COL24A1: variants seen among roughly 807,000 people sequenced by gnomAD.
The protein encoded by COL24A1 is collagen alpha-1(XXIV) chain.
A neutral mutation model predicts 253.9 loss-of-function variants in COL24A1; 224 were observed. The observed-to-expected ratio is 0.88, with a 90% CI of 0.79 to 0.99. The LOEUF (loss-of-function observed/expected upper bound fraction) is 0.99. Among genes scored for constraint, COL24A1 ranks in the 50% least tolerant of loss-of-function variants. The pLI, the probability that COL24A1 is intolerant of heterozygous loss-of-function variation, is 0.00. For synonymous variants in COL24A1, 685 were observed against 673.7 expected (o/e 1.02, Z -0.26); for missense variants, 2,131 against 2,068.5 (o/e 1.03, Z -0.59).
intron 1 of COL24A1, 80 bp downstream of exon 1, chr1:86,156,261 T>C: frequency 1.5e-6 from 2 of 1,365,974 alleles, no homozygotes; most frequent in African/African-American, 1.5e-5. Context: ...ACTTCAGATC[T>C]CCATCAGGCT....
At chr1:85,788,780 G>A (rs1368090851) in intron 47 of COL24A1, among the ~76,000 whole-genome samples, 1 of 152,106 alleles carries the variant, frequency 6.6e-6, no homozygotes, top group African/African-American at 2.4e-5. Context: ...TCTGCATATG[G>A]CTAGCCAGTT....
intron 5 of COL24A1, among the ~76,000 whole-genome samples, chr1:86,105,826 G>A (rs2102084271): frequency 6.6e-6 from 1 of 152,284 alleles, no homozygotes; most frequent in Non-Finnish European, 1.5e-5. Context: ...GTTGCTCCTT[G>A]CCAGTTCAAC....
At chr1:85,834,736 T>A (rs149655040) in intron 43 of COL24A1, among the ~76,000 whole-genome samples, 3 of 152,314 alleles carry the variant, frequency 2.0e-5, no homozygotes, top group African/African-American at 7.2e-5. Flanking sequence ...TACCTTTAAA[T>A]AAAGTGTTTC....
intron 24 of COL24A1, among the ~76,000 whole-genome samples, chr1:85,923,498 A>T (rs1686788420): frequency 6.6e-6 from 1 of 152,230 alleles, no homozygotes; most frequent in African/African-American, 2.4e-5. Flanking sequence ...ATCAAATTAG[A>T]ACTCAGGATT....
At chr1:85,842,486 T>C (rs941626406) in intron 39 of COL24A1, 93 bp from the exon 40 acceptor site, 8 of 881,340 alleles carry the variant, frequency 9.1e-6, no homozygotes, top group African/African-American at 3.5e-5. Context: ...TTGTTACCTT[T>C]AGATTTTTCA....
chr1:85,811,085 T>C (rs1334005485), intron 47 of COL24A1, among the ~76,000 whole-genome samples: 1 of 152,216 alleles, frequency 6.6e-6, no homozygotes, highest in Non-Finnish European at 1.5e-5. Flanking sequence ...ACATTTAGCA[T>C]AATGTCCTTC....
intron 5 of COL24A1, among the ~76,000 whole-genome samples, chr1:86,097,788 A>G (rs931728853): frequency 6.6e-6 from 1 of 151,782 alleles, no homozygotes; most frequent in Non-Finnish European, 1.5e-5. Flanking sequence ...CATGAACTCT[A>G]TATCTTTAAA....
At chr1:86,103,485 A>T (rs1571926594) in intron 5 of COL24A1, among the ~76,000 whole-genome samples, 1 of 152,292 alleles carries the variant, frequency 6.6e-6, no homozygotes, top group East Asian at 1.9e-4. Flanking sequence ...TGGTCTGTGT[A>T]CATAAGTGTG....
chr1:85,958,805 A>T (rs1176305940), intron 24 of COL24A1, among the ~76,000 whole-genome samples: 1 of 152,154 alleles, frequency 6.6e-6, no homozygotes, highest in Non-Finnish European at 1.5e-5. Flanking sequence ...ACTTCTAAAC[A>T]TCTGAATGCT....
chr1:86,144,297 A>C (rs2102406766), intron 2 of COL24A1, among the ~76,000 whole-genome samples: 1 of 152,242 alleles, frequency 6.6e-6, no homozygotes, highest in East Asian at 1.9e-4. Context: ...TAGATTTTTA[A>C]AAAATAAGTT....
rs1237211537 is a variant in COL24A1, at chr1:85,744,698, T to A, written c.4640A>T (p.Asp1547Val). 13 of 1,609,190 alleles carry A rather than the reference T, an allele frequency of 8.1e-6. No individual in the cohort carries two copies. The highest frequency in any genetic ancestry group is 1.0e-5 in the Non-Finnish European group (12 of 1,178,378). Reference protein sequence around the residue: ...TRDNPARICKDLLNCEQKVSD... With the variant: ...TRDNPARICKVLLNCEQKVSD... ...TACTTTTTGTTCACAGTTAAGTAAA[T>A]CTTTGCAGATTCGTGCTGGGTTATC... The change falls in exon 57 of 60, where the codon GAT becomes GTT. Residue 1547 changes from aspartate (D) to valine (V), a missense_variant. Asp to Val is a radical substitution (Grantham distance 152, BLOSUM62 -3). Coordinates refer to ENST00000370571, the MANE Select transcript of COL24A1 (RefSeq NM_152890.7).
chr1:86,057,965 C>T lies in COL24A1; in HGVS notation c.1817G>A (p.Gly606Glu), dbSNP rs1314252161. ...TTTAGGACCTGGATTACCTTCTGGTCCAGCTAAACCCTGGTGTAAACAAAA... is the reference window on the plus strand; with the variant it reads ...TTTAGGACCTGGATTACCTTCTGGTTCAGCTAAACCCTGGTGTAAACAAAA... ...PGYPGRQGLA[G>E]PEGNPGPKGA... is the part of the protein sequence containing the mutation. The change falls in exon 10 of 60, where the codon GGA (glycine) becomes GAA (glutamate). Residue 606 changes from glycine (G) to glutamate (E), a missense_variant. Coordinates refer to ENST00000370571, the MANE Select transcript of COL24A1 (RefSeq NM_152890.7). The T allele has an allele frequency of 1.2e-6, 2 of 1,612,878 alleles. No individual in the cohort carries two copies. Among genetic ancestry groups the T allele is most frequent in the Non-Finnish European group, 1.7e-6 (2 of 1,179,308 alleles).
At chr1:85,848,940 A>C (rs1357048600) in intron 38 of COL24A1, among the ~76,000 whole-genome samples, 1 of 152,214 alleles carries the variant, frequency 6.6e-6, no homozygotes, top group African/African-American at 2.4e-5. Context: ...TATATGGAAA[A>C]AATAAAACCA....
rs1290925639 is a variant in COL24A1 at position 85,793,501 on chromosome 1, AGAGAGC to A, written c.3952-7046_3952-7041del. Among the ~76,000 whole-genome samples the A allele has an allele frequency of 3.9e-5, 6 of 152,236 alleles. No homozygotes were observed. The East Asian group carries it at 1.2e-3, about 29-fold the overall frequency. ...GGAGGGAAGGAAAGAGAGGGGAGAGAGAGAGCGAGAGCGAGAGATCCATGCTGTGGA... is the reference window on the plus strand; with the variant it reads ...GGAGGGAAGGAAAGAGAGGGGAGAGAGAGAGCGAGAGATCCATGCTGTGGA... On this transcript the variant is annotated intron_variant, in intron 47 of 59. Transcript: ENST00000370571.
chr1:85,934,793 A>G (rs1009695806), intron 24 of COL24A1, among the ~76,000 whole-genome samples: 19 of 152,244 alleles, frequency 1.2e-4, no homozygotes, highest in African/African-American at 4.6e-4. Flanking sequence ...AGTAATTTCA[A>G]CAGAGACCAT....
chr1:86,126,022 G>A lies in COL24A1; in HGVS notation c.314C>T (p.Pro105Leu), dbSNP rs372813075. Residue 105 changes from proline (P) to leucine (L), a missense_variant, in exon 3 of 60, where the codon CCG becomes CTG. By Grantham distance (98) the Pro-to-Leu change is moderately conservative. Coordinates refer to ENST00000370571, the MANE Select transcript of COL24A1 (RefSeq NM_152890.7). The stretch of plus-strand genomic sequence containing the variant: ...CTGTAACCCAGTTAATATTGTAAAC[G>A]GCTGCCCCAAGTTGACTGGTAAAAT... ...VKILPVNLGQPFTILTGLQSH... is the reference protein window; with the variant it reads ...VKILPVNLGQLFTILTGLQSH... 2.7e-5 allele frequency: 43 copies of A among 1,613,498 alleles called. No homozygotes were observed. The highest frequency in any genetic ancestry group is 2.0e-4 in the Admixed American group (12 of 59,846).
chr1:85,865,690 T>C (rs997910700), intron 37 of COL24A1, among the ~76,000 whole-genome samples: 6 of 152,212 alleles, frequency 3.9e-5, no homozygotes, highest in African/African-American at 1.4e-4. Flanking sequence ...AGGATTCTGC[T>C]AGAGAACTAT....
At position 85,784,121 on chromosome 1, in the gene COL24A1, C is replaced by T; in HGVS notation, c.4213G>A (p.Gly1405Ser). 6.2e-7 allele frequency: 1 copy of T among 1,612,718 alleles called. No individual in the cohort carries two copies. Among genetic ancestry groups the T allele is most frequent in the Non-Finnish European group, 8.5e-7 (1 of 1,179,008 alleles). ...QGLTGFQGFP[G>S]PKGPEGDAGI... ...AAAGTATGTAAACATACTTTAGGGC[C>T]TGGGAATCCTTGGAAACCTGTCAAA... The change falls in exon 50 of 60, where the codon GGC (glycine) becomes AGC (serine). Residue 1405 changes from glycine (G) to serine (S), a missense_variant. Physicochemically the swap from Gly to Ser is moderately conservative, Grantham distance 56 (BLOSUM62 0). Coordinates refer to ENST00000370571, the MANE Select transcript of COL24A1 (RefSeq NM_152890.7).
chr1:86,077,824 A>T (rs190116411), intron 7 of COL24A1, among the ~76,000 whole-genome samples: 2 of 140,988 alleles, frequency 1.4e-5, no homozygotes, highest in African/African-American at 5.4e-5. Context: ...AACATCACAC[A>T]CCAGGGCCTG....
Sources: gnomAD v4.1 joint callset for allele counts (sites outside exome capture counted in the v4.1 genomes callset) on GRCh38, gnomAD v4.1.1 for gene constraint, MANE v1.5 for transcripts, NCBI Gene and HGNC (gene_info 2026-07-23, HGNC 2026-07-21) for gene names.